Variants in CNOT2 observed in about 807,000 individuals in gnomAD.
CNOT2 encodes the protein CC chemokine receptor 4-negative regulator of transcription 2.
In CNOT2, 7 loss-of-function variants were observed where a neutral mutation model predicts 72.1. That is an observed-to-expected ratio of 0.10 (90% CI 0.06 to 0.18). The LOEUF is 0.18. Ranked by LOEUF, CNOT2 falls within the 10% of genes least tolerant of loss-of-function variation. The pLI is 1.00. For synonymous variants in CNOT2, 196 were observed against 225.6 expected (o/e 0.87, Z 1.17); for missense variants, 345 against 660.3 (o/e 0.52, Z 5.23).
intron 9 of CNOT2, chr12:70,337,856 T>C (rs1415423748): frequency 2.3e-6 from 1 of 434,402 alleles, no homozygotes; most frequent in African/African-American, 2.1e-5. Flanking sequence ...TACACATTTT[T>C]ATACCTGTGT....
intron 2 of CNOT2, among the ~76,000 whole-genome samples, chr12:70,296,363 T>TTG (rs1242548053): frequency 3.9e-5 from 6 of 151,994 alleles, no homozygotes; most frequent in Non-Finnish European, 7.4e-5. Context: ...TCATAGATTT[T>TTG]TGTGTGTGTG....
Position 70,310,799 on chromosome 12 carries a change from A to C in CNOT2, c.49-96A>C, listed in dbSNP as rs530445826. 16 of 980,252 alleles carry C rather than the reference A, an allele frequency of 1.6e-5. No individual in the cohort carries two copies. In the African/African-American group the frequency reaches 2.6e-4, roughly 16 times the overall value. The allele number at this position is 980,252 out of a possible 1,614,324, so 60.7% of individuals were successfully genotyped here. On this transcript the variant is annotated intron_variant, in intron 2 of 15. Coordinates refer to ENST00000229195, the MANE Select transcript of CNOT2 (RefSeq NM_014515.7). ...AGTTGATCAATTTCTGTATCTTAGC[A>C]ATGCTCCCTTCATGTTCTGTTTTCC...
intron 1 of CNOT2, among the ~76,000 whole-genome samples, chr12:70,250,220 G>A (rs985592346): frequency 6.6e-6 from 1 of 152,132 alleles, no homozygotes; most frequent in African/African-American, 2.4e-5. Context: ...TCAGAGCATA[G>A]TTTGAAAATC....
At chr12:70,307,873 A>C (rs77142824) in intron 2 of CNOT2, 1 of 150,988 alleles carries the variant, frequency 6.6e-6, no homozygotes, top group Non-Finnish European at 1.5e-5. Flanking sequence ...TCTTTAGCCC[A>C]TTCCTCATGG....
At chr12:70,319,003 TA>T (rs1877837596) in intron 3 of CNOT2, 1 of 210,834 alleles carries the variant, frequency 4.7e-6, no homozygotes, top group African/African-American at 2.3e-5. Context: ...TATATAATTT[TA>T]TTTTTTTAAC....
At chr12:70,251,432 T>C (rs1381030743) in intron 1 of CNOT2, among the ~76,000 whole-genome samples, 1 of 152,138 alleles carries the variant, frequency 6.6e-6, no homozygotes, top group African/African-American at 2.4e-5. Context: ...TAATCCTCCA[T>C]AGCCCTTGAT....
At chr12:70,299,845 G>T (rs1340206630) in intron 2 of CNOT2, among the ~76,000 whole-genome samples, 1 of 152,186 alleles carries the variant, frequency 6.6e-6, no homozygotes, top group Non-Finnish European at 1.5e-5. Flanking sequence ...CACCAGCAGT[G>T]TAAAAGTGTT....
intron 4 of CNOT2, among the ~76,000 whole-genome samples, chr12:70,326,287 A>T (rs1879061953): frequency 6.6e-6 from 1 of 151,806 alleles, no homozygotes; most frequent in Non-Finnish European, 1.5e-5. Flanking sequence ...ATAAGAAGGA[A>T]TTGAGAGGAA....
intron 2 of CNOT2, chr12:70,294,024 A>T: frequency 1.1e-6 from 1 of 904,016 alleles, no homozygotes; most frequent in Non-Finnish European, 1.6e-6. Context: ...ATAATGTTGA[A>T]ACTGGACATT....
chr12:70,256,704 C>A (rs1311206014), intron 1 of CNOT2, among the ~76,000 whole-genome samples: 1 of 151,508 alleles, frequency 6.6e-6, no homozygotes, highest in Admixed American at 6.6e-5. Flanking sequence ...CCGTTGTTAA[C>A]TGAGGCAAAC....
At chr12:70,263,767 C>T (rs1443607704) in intron 1 of CNOT2, among the ~76,000 whole-genome samples, 7 of 152,068 alleles carry the variant, frequency 4.6e-5, no homozygotes, top group Non-Finnish European at 7.4e-5. Flanking sequence ...AATTTGTGGG[C>T]GAGAGGCTGG....
intron 2 of CNOT2, among the ~76,000 whole-genome samples, chr12:70,293,908 G>C (rs1872383210): frequency 1.5e-5 from 2 of 136,878 alleles, no homozygotes. Flanking sequence ...TTTGTGGTGA[G>C]CACTGCTTTT....
chr12:70,340,056 T>G (rs1416999962), intron 11 of CNOT2, among the ~76,000 whole-genome samples: 1 of 152,202 alleles, frequency 6.6e-6, no homozygotes, highest in Non-Finnish European at 1.5e-5. Flanking sequence ...CTTTCCCATT[T>G]CTTTATTTCC....
intron 3 of CNOT2, among the ~76,000 whole-genome samples, chr12:70,316,875 A>G (rs1593216972): frequency 6.6e-6 from 1 of 152,162 alleles, no homozygotes; most frequent in Non-Finnish European, 1.5e-5. Context: ...TGGATGTATA[A>G]TCAGTGTGAG....
intron 1 of CNOT2, among the ~76,000 whole-genome samples, chr12:70,249,276 T>A (rs922231536): frequency 7.2e-5 from 11 of 152,102 alleles, no homozygotes; most frequent in African/African-American, 2.2e-4. Flanking sequence ...AATAAAATAT[T>A]AAGTTTACTA....
intron 11 of CNOT2, among the ~76,000 whole-genome samples, chr12:70,339,113 C>CAT (rs1171478126): frequency 5.3e-5 from 8 of 150,014 alleles, no homozygotes; most frequent in Middle Eastern, 3.4e-3. Context: ...CACACACACA[C>CAT]CTTCCAGAAT....
chr12:70,300,033 G>C (rs1488316162), intron 2 of CNOT2, among the ~76,000 whole-genome samples: 1 of 152,182 alleles, frequency 6.6e-6, no homozygotes, highest in Non-Finnish European at 1.5e-5. Context: ...CTTTTGAGAA[G>C]TGTCTGTTCA....
intron 4 of CNOT2, among the ~76,000 whole-genome samples, chr12:70,327,048 A>G (rs1246175491): frequency 3.3e-5 from 5 of 151,822 alleles, no homozygotes; most frequent in Admixed American, 3.3e-4. Flanking sequence ...GAAATGATAA[A>G]TTTTTATGAT....
chr12:70,250,841 G>T (rs1958109702), intron 1 of CNOT2, among the ~76,000 whole-genome samples: 1 of 152,078 alleles, frequency 6.6e-6, no homozygotes, highest in Admixed American at 6.5e-5. Flanking sequence ...AGCTCTAAAG[G>T]GGAGAAGAGG....
Sources: allele counts gnomAD v4.1 joint callset (sites outside exome capture counted in the v4.1 genomes callset), GRCh38; gene constraint gnomAD v4.1.1; transcripts MANE v1.5; gene names NCBI Gene and HGNC (gene_info 2026-07-23, HGNC 2026-07-21).